Variants in STYXL2 observed in about 807,000 individuals in gnomAD.
STYXL2 encodes the protein serine/threonine/tyrosine-interacting-like protein 2.
STYXL2 carries 44 observed loss-of-function variants against 52.4 expected under a neutral mutation model. The ratio of observed to expected loss-of-function variants is 0.84; its 90% CI spans 0.66 to 1.08. The LOEUF (loss-of-function observed/expected upper bound fraction) is 1.08, where lower values mean the gene tolerates loss of function less well. Ranked by LOEUF, STYXL2 falls within the 50% of genes least tolerant of loss-of-function variation. The pLI is 0.00. For synonymous variants in STYXL2, 604 were observed against 586.9 expected (o/e 1.03, Z -0.42); for missense variants, 1,604 against 1,471.7 (o/e 1.09, Z -1.47).
chr1:167,095,121 T>C (rs1315534313), intron 2 of STYXL2, among the ~76,000 whole-genome samples, 162 bp downstream of exon 2: 1 of 151,078 alleles, frequency 6.6e-6, no homozygotes, highest in East Asian at 1.9e-4. Flanking sequence ...AGGAGGTAAA[T>C]ATGCAAATAG....
chr1:167,094,748 G>A (rs1396338562), intron 1 of STYXL2, 86 bp from the exon 2 acceptor site: 1 of 887,322 alleles, frequency 1.1e-6, no homozygotes. Flanking sequence ...TAGTTCCACT[G>A]AGGTGACATC....
At chr1:167,098,273 T>G (rs1667334738) in intron 2 of STYXL2, among the ~76,000 whole-genome samples, 1 of 152,042 alleles carries the variant, frequency 6.6e-6, no homozygotes, top group Admixed American at 6.5e-5. Flanking sequence ...GCTCTCAAAG[T>G]GCTGGGATTA....
intron 5 of STYXL2, among the ~76,000 whole-genome samples, chr1:167,124,867 G>T (rs1014744809): frequency 1.3e-5 from 2 of 151,770 alleles, no homozygotes; most frequent in Admixed American, 1.3e-4. Flanking sequence ...AAACAAGGGT[G>T]GGGAAGGGCC....
At chr1:167,097,956 A>C (rs2102219886) in intron 2 of STYXL2, among the ~76,000 whole-genome samples, 1 of 146,042 alleles carries the variant, frequency 6.8e-6, no homozygotes, top group East Asian at 2.1e-4. Flanking sequence ...TGAGGCCCCG[A>C]GTTTCAGACA....
intron 1 of STYXL2, 39 bp from the exon 2 acceptor site, chr1:167,094,795 C>A: frequency 7.0e-7 from 1 of 1,431,646 alleles, no homozygotes; most frequent in Non-Finnish European, 9.7e-7. Flanking sequence ...ACCTCAGGAA[C>A]CTAATTCCCT....
At position 167,126,290 on chromosome 1, in the gene STYXL2, G is replaced by C. The variant is rs1045386845; in HGVS notation, c.1159G>C (p.Glu387Gln). ...CCAGGGTGGGGAGGAGCTCGAGGACGAGGACGTGGAGAGGATCATCCAGGA... is the reference window on the plus strand; with the variant it reads ...CCAGGGTGGGGAGGAGCTCGAGGACCAGGACGTGGAGAGGATCATCCAGGA... ...SGQGGEELED[E>Q]DVERIIQEWQ... The change falls in exon 6 of 6, where the codon GAG becomes CAG. Residue 387 changes from glutamate to glutamine, a missense_variant. Coordinates refer to ENST00000361200, the MANE Select transcript of STYXL2 (RefSeq NM_001080426.3). 1 of 1,527,108 alleles carries C rather than the reference G, an allele frequency of 6.5e-7. No individual in the cohort carries two copies. The highest frequency in any genetic ancestry group is 8.8e-7 in the Non-Finnish European group (1 of 1,136,554). The allele number at this position is 1,527,108 out of a possible 1,614,324, so 94.6% of individuals were successfully genotyped here.
At position 167,129,076 on chromosome 1, in the gene STYXL2, ATT is replaced by A. The variant is rs67628760; in HGVS notation, c.*480_*481del. The A allele has an allele frequency of 3.9e-4, 58 of 149,672 alleles. No homozygotes were observed. The highest frequency in any genetic ancestry group is 5.9e-4 in the East Asian group (3 of 5,078). 9.3% of individuals were successfully genotyped at this position (149,672 alleles called of 1,614,324 possible). On this transcript the variant is annotated 3_prime_UTR_variant, in exon 6 of 6. Transcript: ENST00000361200. Reference sequence around the variant, plus strand: ...CCTCTCCTGGCAATGCTCAGTTCTGATTTTTTTTTTTTTAATGTTTTGAGTCT... The same window carrying A: ...CCTCTCCTGGCAATGCTCAGTTCTGATTTTTTTTTTTAATGTTTTGAGTCT...
At chr1:167,095,771 T>C (rs950164516) in intron 2 of STYXL2, among the ~76,000 whole-genome samples, 5 of 152,204 alleles carry the variant, frequency 3.3e-5, no homozygotes, top group African/African-American at 1.2e-4. Context: ...CTGAAGTGAT[T>C]GAGCCTTTAG....
chr1:167,108,438 A>G lies in STYXL2; in HGVS notation c.111-5272A>G, dbSNP rs1003975721. On this transcript the variant is annotated intron_variant, in intron 2 of 5. Transcript: ENST00000361200. ...ATCCCATGAACTTTACCCTTAATCC[A>G]CCCCCACTCCCCAATAACGTTTGTT... Among the ~76,000 whole-genome samples, 36 of 151,266 alleles carry G rather than the reference A, an allele frequency of 2.4e-4. 1 individual carries two copies. Among genetic ancestry groups the G allele is most frequent in the Admixed American group, 1.8e-3 (27 of 15,114 alleles).
intron 5 of STYXL2, 116 bp from the exon 6 acceptor site, chr1:167,125,671 G>T (rs12118751): frequency 0.28 from 385,817 of 1,396,132 alleles, 56,771 homozygotes; most frequent in Non-Finnish European, 0.3. Flanking sequence ...CAGAGGCAAA[G>T]TAAACACCTT....
Position 167,126,280 on chromosome 1 carries a change from G to A in STYXL2, c.1149G>A (p.Glu383=), listed in dbSNP as rs751835407. 5 of 1,535,956 alleles carry A rather than the reference G, an allele frequency of 3.3e-6. 1 individual carries two copies. In the Admixed American group the frequency reaches 8.5e-5, roughly 26 times the overall value. The change falls in exon 6 of 6, where the codon GAG becomes GAA. Residue 383 remains glutamate (E), a synonymous_variant. Coordinates refer to ENST00000361200, the MANE Select transcript of STYXL2 (RefSeq NM_001080426.3). ...CCTCCTCTGGCCAGGGTGGGGAGGA[G>A]CTCGAGGACGAGGACGTGGAGAGGA... is the stretch of plus-strand genomic sequence containing the variant. The part of the protein sequence containing the change: ...RSASSGQGGE[E]LEDEDVERII...
At chr1:167,111,503 TATATATATATACAC>T (rs1256531949) in intron 2 of STYXL2, among the ~76,000 whole-genome samples, 8 of 48,826 alleles carry the variant, frequency 1.6e-4, no homozygotes, top group Non-Finnish European at 2.7e-4. Flanking sequence ...TATATATATA[TATATATATATACAC>T]ACACACACAC....
At chr1:167,112,802 A>T (rs974931871) in intron 2 of STYXL2, among the ~76,000 whole-genome samples, 1 of 152,210 alleles carries the variant, frequency 6.6e-6, no homozygotes, top group Non-Finnish European at 1.5e-5. Context: ...AGGGTTTGTC[A>T]GAATTAAATT....
intron 5 of STYXL2, among the ~76,000 whole-genome samples, chr1:167,121,459 G>T (rs1424240306): frequency 6.6e-6 from 1 of 152,242 alleles, no homozygotes; most frequent in Admixed American, 6.5e-5. Context: ...GGGTACGCTC[G>T]CAATAGCTCC....
intron 5 of STYXL2, among the ~76,000 whole-genome samples, chr1:167,121,459 G>A (rs1424240306): frequency 1.3e-5 from 2 of 152,242 alleles, no homozygotes. Context: ...GGGTACGCTC[G>A]CAATAGCTCC....
At chr1:167,107,797 A>G (rs867984237) in intron 2 of STYXL2, among the ~76,000 whole-genome samples, 26 of 152,296 alleles carry the variant, frequency 1.7e-4, no homozygotes, top group Middle Eastern at 6.8e-3. Flanking sequence ...TTATCAAATG[A>G]TTTCATAAAT....
intron 2 of STYXL2, among the ~76,000 whole-genome samples, chr1:167,099,150 T>A (rs1667352364): frequency 6.6e-6 from 1 of 152,076 alleles, no homozygotes; most frequent in Non-Finnish European, 1.5e-5. Context: ...CTATGTTTAA[T>A]AACACAGCCT....
rs566947920 is a variant in STYXL2, at chr1:167,113,873, T to C, written c.205+69T>C. On this transcript the variant is annotated intron_variant, in intron 3 of 5. Coordinates refer to ENST00000361200, the MANE Select transcript of STYXL2 (RefSeq NM_001080426.3). Reference sequence around the variant, plus strand: ...TCTGGAGACCCTTAGAGGGGGGCCATTGGAAGACGTCAATGTGCCTCTCAG... The same window carrying C: ...TCTGGAGACCCTTAGAGGGGGGCCACTGGAAGACGTCAATGTGCCTCTCAG... The C allele has an allele frequency of 6.1e-5, 74 of 1,217,280 alleles. 1 individual carries two copies. The Middle Eastern group carries it at 1.5e-3, about 25-fold the overall frequency. The allele number at this position is 1,217,280 out of a possible 1,614,324, so 75.4% of individuals were successfully genotyped here.
intron 2 of STYXL2, among the ~76,000 whole-genome samples, chr1:167,113,240 G>A (rs918549166): frequency 2.0e-5 from 3 of 152,112 alleles, no homozygotes; most frequent in African/African-American, 7.2e-5. Flanking sequence ...TACAAACAGG[G>A]AGAAGGAATG....
Sources: gnomAD v4.1 joint callset for allele counts (sites outside exome capture counted in the v4.1 genomes callset) on GRCh38, gnomAD v4.1.1 for gene constraint, MANE v1.5 for transcripts, NCBI Gene and HGNC (gene_info 2026-07-23, HGNC 2026-07-21) for gene names.